Variants in RAD21L1 observed in about 807,000 individuals in gnomAD.
RAD21L1 encodes the protein RAD21 cohesin complex component like 1.
Under a neutral mutation model 69.0 loss-of-function variants are expected in RAD21L1, and 47 were observed. That is an observed-to-expected ratio of 0.68 (90% CI 0.54 to 0.87). The LOEUF (loss-of-function observed/expected upper bound fraction) is 0.87, where lower values mean the gene tolerates loss of function less well. Among genes scored for constraint, RAD21L1 ranks in the 40% least tolerant of loss-of-function variants. The pLI is 0.00. For synonymous variants in RAD21L1, 177 were observed against 205.8 expected, an observed-to-expected ratio of 0.86 and a Z score of 1.20; for missense variants, 583 against 647.6, an observed-to-expected ratio of 0.90 and a Z score of 1.08.
At chr20:1,230,547 G>T in intron 3 of RAD21L1, 7 of 479,124 alleles carry the variant, frequency 1.5e-5, no homozygotes, top group Non-Finnish European at 1.9e-5. Flanking sequence ...TTTCTACCTT[G>T]TATTATGGCT....
In RAD21L1 at chr20:1,253,134, C is replaced by T. The variant is rs190592734; in HGVS notation, c.1480-1135C>T. On this transcript the variant is annotated intron_variant, in intron 13 of 13. Transcript: ENST00000683101. ...TTGAAAGGTTACTGAACCTGGGCCACGCCTTTGGTTAAGATAAAGTATGAC... is the reference window on the plus strand; with the variant it reads ...TTGAAAGGTTACTGAACCTGGGCCATGCCTTTGGTTAAGATAAAGTATGAC... 2.5e-3 allele frequency among the ~76,000 whole-genome samples: 384 copies of T among 152,260 alleles called. 6 individuals are homozygous for T. The highest frequency in any genetic ancestry group is 0.021 in the Admixed American group (320 of 15,290).
intron 8 of RAD21L1, among the ~76,000 whole-genome samples, 189 bp downstream of exon 8, chr20:1,240,623 C>G (rs1211873191): frequency 1.3e-5 from 2 of 152,096 alleles, no homozygotes; most frequent in East Asian, 3.9e-4. Flanking sequence ...CGGGACTCAA[C>G]TCCAGAATTG....
At chr20:1,244,234 G>T in intron 11 of RAD21L1, 64 bp downstream of exon 11, 1 of 1,119,224 alleles carries the variant, frequency 8.9e-7, no homozygotes, top group South Asian at 1.8e-5. Flanking sequence ...AAGGAATGTT[G>T]GGACTCTGGT....
At chr20:1,234,319 AT>A in intron 5 of RAD21L1, 128 bp downstream of exon 5, 1 of 601,144 alleles carries the variant, frequency 1.7e-6, no homozygotes, top group Non-Finnish European at 3.0e-6. Context: ...TTCCCAATAC[AT>A]TTTTCCTTGC....
intron 8 of RAD21L1, 62 bp from the exon 9 acceptor site, chr20:1,242,557 C>A: frequency 7.9e-7 from 1 of 1,257,884 alleles, no homozygotes. Context: ...GTATTTAGTG[C>A]CTACAATATG....
At chr20:1,230,276 ACT>A (rs1180009206) in intron 3 of RAD21L1, among the ~76,000 whole-genome samples, 1 of 152,110 alleles carries the variant, frequency 6.6e-6, no homozygotes, top group Non-Finnish European at 1.5e-5. Context: ...TGCATAAGAA[ACT>A]CTGATATTCT....
At chr20:1,248,475 T>C in intron 12 of RAD21L1, 151 bp from the exon 13 acceptor site, 1 of 485,288 alleles carries the variant, frequency 2.1e-6, no homozygotes. Context: ...AGCCTTATTC[T>C]TTTTATAAAT....
At position 1,240,415 on chromosome 20, in the gene RAD21L1, T is replaced by G. The variant is rs540930421; in HGVS notation, c.837T>G (p.Leu279=). 2.4e-4 allele frequency: 375 copies of G among 1,542,832 alleles called. No homozygotes were observed. Among genetic ancestry groups the G allele is most frequent in the Non-Finnish European group, 3.1e-4 (356 of 1,144,294 alleles). ...CAACTGAAGAGGAAGGATTTACCCT[T>G]GATCCAATTGATATTTCAGGTCAGA... ...LLSTEEEGFT[L]DPIDISDIAE... The change falls in exon 8 of 14, where the codon CTT becomes CTG. Residue 279 remains leucine (L), a synonymous_variant. Coordinates refer to ENST00000683101, the MANE Select transcript of RAD21L1 (RefSeq NM_001384355.1).
intron 11 of RAD21L1, 122 bp downstream of exon 11, chr20:1,244,292 G>A: frequency 2.7e-6 from 2 of 728,864 alleles, no homozygotes; most frequent in Non-Finnish European, 4.1e-6. Context: ...AAATTGTTTT[G>A]CAATTTGTTT....
chr20:1,229,164 A>G (rs934175716), intron 2 of RAD21L1, among the ~76,000 whole-genome samples: 2 of 152,200 alleles, frequency 1.3e-5, no homozygotes, highest in Admixed American at 6.5e-5. Context: ...AATCTTTACA[A>G]CAACCCTATG....
At chr20:1,234,738 G>A (rs73073637) in intron 5 of RAD21L1, among the ~76,000 whole-genome samples, 6,721 of 152,184 alleles carry the variant, frequency 0.044, 186 homozygotes, top group Middle Eastern at 0.065. Context: ...TGGGCAAGGC[G>A]ATTGTACTTT....
intron 13 of RAD21L1, among the ~76,000 whole-genome samples, chr20:1,253,245 C>T (rs533516160): frequency 1.3e-5 from 2 of 152,298 alleles, no homozygotes; most frequent in South Asian, 4.1e-4. Flanking sequence ...CACAACTATC[C>T]AGCGTGTATG....
At chr20:1,231,769 G>GAAC in intron 4 of RAD21L1, 150 bp downstream of exon 4, 1 of 571,496 alleles carries the variant, frequency 1.7e-6, no homozygotes, top group Non-Finnish European at 3.1e-6. Flanking sequence ...AACTCCCAAA[G>GAAC]TACAACAACA....
chr20:1,228,617 G>A lies in RAD21L1; in HGVS notation c.144+20G>A, dbSNP rs1210595853. On this transcript the variant is annotated intron_variant, in intron 2 of 13. Transcript: ENST00000683101. The stretch of plus-strand genomic sequence containing the variant: ...CCCAAGGTATGTTACTGATTAAAAT[G>A]ATAGCTTGTATTTATCATGACTTTG... 6.8e-7 allele frequency: 1 copy of A among 1,471,296 alleles called. No homozygotes were observed. The highest frequency in any genetic ancestry group is 9.1e-7 in the Non-Finnish European group (1 of 1,096,782). 91.1% of individuals were successfully genotyped at this position (1,471,296 alleles called of 1,614,324 possible). A position where few individuals can be genotyped will look rare whatever the true frequency, so the allele number is the denominator to read the frequency against.
At chr20:1,235,276 G>A (rs548081056) in intron 5 of RAD21L1, among the ~76,000 whole-genome samples, 47 of 152,042 alleles carry the variant, frequency 3.1e-4, no homozygotes, top group Non-Finnish European at 6.6e-4. Flanking sequence ...TCGGGGAGGG[G>A]AGTCAAGAAA....
intron 8 of RAD21L1, among the ~76,000 whole-genome samples, chr20:1,241,313 G>A (rs1361591629): frequency 6.6e-6 from 1 of 152,166 alleles, no homozygotes; most frequent in Non-Finnish European, 1.5e-5. Context: ...GAGGAGAGGC[G>A]AATGCCTTCT....
Position 1,254,661 on chromosome 20 carries a change from GT to G in RAD21L1, c.*213del, listed in dbSNP as rs55934742. Among the ~76,000 whole-genome samples the G allele has an allele frequency of 6.6e-6, 1 of 150,840 alleles. No homozygotes were observed. Among genetic ancestry groups the G allele is most frequent in the Admixed American group, 6.6e-5 (1 of 15,122 alleles). ...AAAGAAATACTTTAAATTCTGTTTTGTTTTTTTTTGTTGTTTTTTTAAGGAC... is the reference window on the plus strand; with the variant it reads ...AAAGAAATACTTTAAATTCTGTTTTGTTTTTTTTGTTGTTTTTTTAAGGAC... On this transcript the variant is annotated 3_prime_UTR_variant, in exon 14 of 14. Transcript: ENST00000683101.
intron 11 of RAD21L1, among the ~76,000 whole-genome samples, chr20:1,244,524 G>C (rs1286177802): frequency 6.6e-6 from 1 of 152,012 alleles, no homozygotes; most frequent in Non-Finnish European, 1.5e-5. Context: ...GTATGCCTAA[G>C]TTTTGCTTTT....
chr20:1,245,424 AC>A (rs1383096099), intron 11 of RAD21L1, among the ~76,000 whole-genome samples: 1 of 152,206 alleles, frequency 6.6e-6, no homozygotes, highest in Non-Finnish European at 1.5e-5. Context: ...ACAAGGCTTC[AC>A]AAATATGTAT....
Sources: allele counts gnomAD v4.1 joint callset (sites outside exome capture counted in the v4.1 genomes callset), GRCh38; gene constraint gnomAD v4.1.1; transcripts MANE v1.5; gene names NCBI Gene and HGNC (gene_info 2026-07-23, HGNC 2026-07-21).